The following GNG7 variants were observed in gnomAD, a reference collection of about 807,000 sequenced individuals.
GNG7 encodes the protein guanine nucleotide-binding protein G(I)/G(S)/G(O) subunit gamma-7.
GNG7 carries 1 observed loss-of-function variant against 4.0 expected under a neutral mutation model. The observed-to-expected ratio is 0.25, with a 90% confidence interval of 0.09 to 1.18. The LOEUF (loss-of-function observed/expected upper bound fraction) is 1.18. Among genes scored for constraint, GNG7 ranks in the 50% most tolerant of loss-of-function variants. The probability of loss-of-function intolerance (pLI) is 0.50; values close to 1 mark genes in which losing one functional copy is unlikely to be tolerated. For synonymous variants in GNG7, 34 were observed against 36.9 expected (o/e 0.92, Z 0.29); for missense variants, 86 against 91.9 (o/e 0.94, Z 0.26).
At chr19:2,584,288 A>T (rs902723527) in intron 2 of GNG7, among the ~76,000 whole-genome samples, 13 of 35,100 alleles carry the variant, frequency 3.7e-4, no homozygotes, top group African/African-American at 1.5e-3. Context: ...GCAAAGAATT[A>T]AAAAAAAAAA....
chr19:2,569,518 A>G (rs903118108), intron 2 of GNG7, among the ~76,000 whole-genome samples: 2 of 151,886 alleles, frequency 1.3e-5, no homozygotes, highest in African/African-American at 4.8e-5. Context: ...CTCGGGATCC[A>G]CCCGCCTCGG....
intron 3 of GNG7, among the ~76,000 whole-genome samples, chr19:2,550,468 T>C (rs955507028): frequency 1.4e-4 from 21 of 152,130 alleles, no homozygotes; most frequent in Non-Finnish European, 2.9e-5. Flanking sequence ...TCAAGTGATC[T>C]CCGCCCACCT....
At chr19:2,602,605 GC>G (rs1251630577) in intron 2 of GNG7, among the ~76,000 whole-genome samples, 1 of 152,262 alleles carries the variant, frequency 6.6e-6, no homozygotes, top group African/African-American at 2.4e-5. Context: ...CTCCAACCGG[GC>G]CCCGGAGCAC....
At position 2,659,592 on chromosome 19, in the gene GNG7, T is replaced by TA. The variant is rs879035849; in HGVS notation, c.-134-13313dup. On this transcript the variant is annotated intron_variant, in intron 1 of 4. Coordinates refer to ENST00000382159, the MANE Select transcript of GNG7 (RefSeq NM_052847.3). ...GAAATAGAGGAGTGAGACTCCATCT[T>TA]AAAAAAAAAAAAAAAAAAAGAGAGG... Among the ~76,000 whole-genome samples the TA allele has an allele frequency of 5.2e-3, 227 of 43,454 alleles. 1 individual carries two copies. Among genetic ancestry groups the TA allele is most frequent in the African/African-American group, 0.014 (127 of 9,336 alleles). 28.5% of individuals were successfully genotyped at this position (43,454 alleles called of 152,430 possible).
intron 1 of GNG7, among the ~76,000 whole-genome samples, chr19:2,692,924 T>G (rs553539370): frequency 6.6e-6 from 1 of 151,138 alleles, no homozygotes; most frequent in Admixed American, 6.6e-5. Context: ...AGTTCAAGGC[T>G]GCAGTGAGCT....
chr19:2,678,581 T>G (rs2144896437), intron 1 of GNG7, among the ~76,000 whole-genome samples: 1 of 151,974 alleles, frequency 6.6e-6, no homozygotes, highest in South Asian at 2.1e-4. Context: ...AATCCTGGGA[T>G]GGGGTAATAA....
chr19:2,599,282 T>C (rs1981128645), intron 2 of GNG7, among the ~76,000 whole-genome samples: 2 of 152,080 alleles, frequency 1.3e-5, no homozygotes, highest in Non-Finnish European at 2.9e-5. Context: ...TCTGCTTGAG[T>C]ATCTCGAAGA....
At chr19:2,589,371 CTTTTTT>C (rs33940288) in intron 2 of GNG7, among the ~76,000 whole-genome samples, 82 of 100,574 alleles carry the variant, frequency 8.2e-4, no homozygotes, top group African/African-American at 2.5e-3. Flanking sequence ...TACAGGTGCA[CTTTTTT>C]TTTTTTTTTT....
rs1979141584 is a variant in GNG7, at chr19:2,546,774, GCT to G, written c.-38+8373_-38+8374del. The stretch of plus-strand genomic sequence containing the variant: ...ACGGGAGCAGGAGAAAAGAAAAGCT[GCT>G]CTCTGTCCACCCGGCGGTGGGGTCG... On this transcript the variant is annotated intron_variant, in intron 3 of 4. Coordinates refer to ENST00000382159, the MANE Select transcript of GNG7 (RefSeq NM_052847.3). The surrounding 1 kb of genome is among the most constrained non-coding windows in gnomAD (Gnocchi z 6.3). Among the ~76,000 whole-genome samples the G allele has an allele frequency of 1.3e-5, 2 of 152,182 alleles. No homozygotes were observed. Among genetic ancestry groups the G allele is most frequent in the African/African-American group, 4.8e-5 (2 of 41,452 alleles).
Position 2,624,404 on chromosome 19 carries a change from G to A in GNG7, c.-78+21820C>T, listed in dbSNP as rs1165169804. 3.3e-5 allele frequency among the ~76,000 whole-genome samples: 5 copies of A among 151,658 alleles called. No individual in the cohort carries two copies. In the South Asian group the frequency reaches 6.2e-4, roughly 19 times the overall value. Reference sequence around the variant, plus strand: ...AAATTAGCCGGGCGTGGTGGTGGGCGCCTGTAGTCCCAGCTACTCCGGAGG... The same window carrying A: ...AAATTAGCCGGGCGTGGTGGTGGGCACCTGTAGTCCCAGCTACTCCGGAGG... On this transcript the variant is annotated intron_variant, in intron 2 of 4. Transcript: ENST00000382159.
At chr19:2,647,950 C>T (rs761067683) in intron 1 of GNG7, among the ~76,000 whole-genome samples, 6 of 147,406 alleles carry the variant, frequency 4.1e-5, no homozygotes, top group Non-Finnish European at 8.9e-5. Flanking sequence ...ATCGTTTGAA[C>T]CCGGGAGGCG....
At chr19:2,643,317 G>A (rs933793238) in intron 2 of GNG7, 4 of 422,542 alleles carry the variant, frequency 9.5e-6, no homozygotes, top group South Asian at 1.8e-5. Context: ...AGACCTCCCC[G>A]GACTCTGCAC....
At chr19:2,525,667 C>T (rs2144732647) in intron 3 of GNG7, among the ~76,000 whole-genome samples, 1 of 152,274 alleles carries the variant, frequency 6.6e-6, no homozygotes, top group African/African-American at 2.4e-5. Context: ...CACAGGGACC[C>T]CCAGGGAGCA....
At chr19:2,542,434 T>G (rs933100972) in intron 3 of GNG7, among the ~76,000 whole-genome samples, 2 of 151,872 alleles carry the variant, frequency 1.3e-5, no homozygotes, top group African/African-American at 4.8e-5. Context: ...GTTTTTTCAT[T>G]TGTGCACTGA....
chr19:2,639,423 G>A (rs1165498974), intron 2 of GNG7, among the ~76,000 whole-genome samples: 8 of 151,796 alleles, frequency 5.3e-5, no homozygotes, highest in African/African-American at 1.2e-4. Flanking sequence ...CCCAGAGAAC[G>A]GTCGGATTCA....
At chr19:2,647,901 G>A (rs977805206) in intron 1 of GNG7, among the ~76,000 whole-genome samples, 16 of 151,460 alleles carry the variant, frequency 1.1e-4, no homozygotes, top group Admixed American at 3.3e-4. Flanking sequence ...GGTGGTGGGC[G>A]CCCGTAATCC....
chr19:2,550,687 A>G (rs935660321), intron 3 of GNG7, among the ~76,000 whole-genome samples: 1 of 151,952 alleles, frequency 6.6e-6, no homozygotes, highest in Non-Finnish European at 1.5e-5. Context: ...CGTGACTCCA[A>G]TCCCGCTCTG....
At chr19:2,536,074 G>A (rs9749450) in intron 3 of GNG7, among the ~76,000 whole-genome samples, 118,443 of 151,868 alleles carry the variant, frequency 0.78, 46,272 homozygotes, top group Admixed American at 0.85. Context: ...GCGGTGAGTT[G>A]TGACCACACC....
intron 2 of GNG7, among the ~76,000 whole-genome samples, chr19:2,601,775 T>C (rs573444077): frequency 2.6e-5 from 4 of 151,818 alleles, no homozygotes; most frequent in African/African-American, 9.7e-5. Context: ...GGCATGGTGG[T>C]GTGAGCCTGT....
Sources: allele counts gnomAD v4.1 joint callset (sites outside exome capture counted in the v4.1 genomes callset), GRCh38; gene constraint gnomAD v4.1.1; non-coding constraint Gnocchi (gnomAD v3.1); transcripts MANE v1.5; gene names NCBI Gene and HGNC (gene_info 2026-07-23, HGNC 2026-07-21).